The following RXRA variants were observed in gnomAD, a reference collection of about 807,000 sequenced individuals.
The protein encoded by RXRA is retinoic acid receptor RXR-alpha.
RXRA carries 5 observed loss-of-function variants against 44.5 expected under a neutral mutation model. The ratio of observed to expected loss-of-function variants is 0.11; its 90% CI spans 0.06 to 0.24. The LOEUF (loss-of-function observed/expected upper bound fraction) is 0.24, where lower values mean the gene tolerates loss of function less well. Ranked by LOEUF, RXRA falls within the 10% of genes least tolerant of loss-of-function variation. The probability of loss-of-function intolerance (pLI) is 1.00; values close to 1 mark genes in which losing one functional copy is unlikely to be tolerated. For missense variants in RXRA, 412 were observed against 646.5 expected, an observed-to-expected ratio of 0.64 and a Z score of 3.93; for synonymous variants, 291 against 271.4, an observed-to-expected ratio of 1.07 and a Z score of -0.71.
At chr9:134,421,895 C>T (rs1469074238) in intron 6 of RXRA, 90 bp downstream of exon 6, 19 of 1,547,608 alleles carry the variant, frequency 1.2e-5, no homozygotes, top group Middle Eastern at 1.7e-4. Context: ...CTCCGCACTC[C>T]CGGGACACTC....
At chr9:134,372,701 G>A (rs1244187984) in intron 1 of RXRA, among the ~76,000 whole-genome samples, 1 of 152,200 alleles carries the variant, frequency 6.6e-6, no homozygotes, top group Non-Finnish European at 1.5e-5. Context: ...CCAGGTGCTG[G>A]ACTGTGAGAC....
At chr9:134,337,795 G>A (rs1318093799) in intron 1 of RXRA, among the ~76,000 whole-genome samples, 2 of 152,162 alleles carry the variant, frequency 1.3e-5, no homozygotes, top group Admixed American at 6.5e-5. Flanking sequence ...ACAGCAGTGC[G>A]CCTCCCTCTG....
chr9:134,366,936 C>T lies in RXRA; in HGVS notation c.29-34696C>T, dbSNP rs1830421509. On this transcript the variant is annotated intron_variant, in intron 1 of 9. Coordinates refer to ENST00000481739, the MANE Select transcript of RXRA (RefSeq NM_002957.6). This position sits in a 1 kb window ranked among gnomAD's most constrained non-coding sequence, Gnocchi z 5.9. ...CTCAGGCTCCTGCTGGGAGAAGGGGCTGGTGGTTCCCGGGCCTGCACATCC... is the reference window on the plus strand; with the variant it reads ...CTCAGGCTCCTGCTGGGAGAAGGGGTTGGTGGTTCCCGGGCCTGCACATCC... Among the ~76,000 whole-genome samples, 1 of 152,124 alleles carries T rather than the reference C, an allele frequency of 6.6e-6. No individual in the cohort carries two copies. The highest frequency in any genetic ancestry group is 2.4e-5 in the African/African-American group (1 of 41,416).
intron 1 of RXRA, among the ~76,000 whole-genome samples, chr9:134,333,465 C>T (rs1009393123): frequency 9.9e-5 from 15 of 152,028 alleles, no homozygotes; most frequent in East Asian, 5.8e-4. Context: ...TGATGGGTGT[C>T]GGCGCAGACT....
At chr9:134,388,335 G>T (rs1048383152) in intron 1 of RXRA, among the ~76,000 whole-genome samples, 2 of 151,410 alleles carry the variant, frequency 1.3e-5, no homozygotes, top group Non-Finnish European at 2.9e-5. Context: ...ACGTGTTGGG[G>T]TCACTACGGG....
intron 1 of RXRA, among the ~76,000 whole-genome samples, chr9:134,387,584 C>T (rs932961935): frequency 9.2e-5 from 14 of 152,278 alleles, no homozygotes; most frequent in Non-Finnish European, 2.1e-4. Context: ...CTCTGGGAGC[C>T]ACTTGGTTTT....
chr9:134,415,768 C>T (rs977076977), intron 4 of RXRA, among the ~76,000 whole-genome samples: 18 of 152,146 alleles, frequency 1.2e-4, no homozygotes, highest in African/African-American at 4.1e-4. Context: ...TGTCTGAGCT[C>T]GGAGGAGATA....
rs1233089328 is a variant in RXRA at position 134,366,587 on chromosome 9, C to T, written c.29-35045C>T. 6.6e-6 allele frequency among the ~76,000 whole-genome samples: 1 copy of T among 152,140 alleles called. No individual in the cohort carries two copies. The highest frequency in any genetic ancestry group is 1.5e-5 in the Non-Finnish European group (1 of 68,014). ...TGGGGACAGCACCACAGGGCCCAGC[C>T]AGGGCTGGGGCAGGGAGGAAGGGCC... On this transcript the variant is annotated intron_variant, in intron 1 of 9. Coordinates refer to ENST00000481739, the MANE Select transcript of RXRA (RefSeq NM_002957.6). This position sits in a 1 kb window ranked among gnomAD's most constrained non-coding sequence, Gnocchi z 5.9.
Position 134,436,871 on chromosome 9 carries a change from G to A in RXRA, c.*257G>A, listed in dbSNP as rs1831631844. Reference sequence around the variant, plus strand: ...AGAACTAGCGTGAGCCCAGCCAGGCGCCTCCCCACCGGGCTCTCAGGACAC... The same window carrying A: ...AGAACTAGCGTGAGCCCAGCCAGGCACCTCCCCACCGGGCTCTCAGGACAC... On this transcript the variant is annotated 3_prime_UTR_variant, in exon 10 of 10. Transcript: ENST00000481739. The A allele has an allele frequency of 1.5e-5, 7 of 477,360 alleles. No homozygotes were observed. Among genetic ancestry groups the A allele is most frequent in the Middle Eastern group, 5.7e-4 (1 of 1,740 alleles). The allele number at this position is 477,360 out of a possible 1,614,324, so 29.6% of individuals were successfully genotyped here.
At chr9:134,339,925 ATG>A in intron 1 of RXRA, among the ~76,000 whole-genome samples, 1 of 150,490 alleles carries the variant, frequency 6.6e-6, no homozygotes, top group South Asian at 2.1e-4. Context: ...ACCTGTGTGT[ATG>A]TGAGTGTGCA....
At chr9:134,361,950 G>T (rs2119064054) in intron 1 of RXRA, among the ~76,000 whole-genome samples, 1 of 152,330 alleles carries the variant, frequency 6.6e-6, no homozygotes, top group African/African-American at 2.4e-5. Context: ...AGCTCCGGCT[G>T]CGCTGGGTTT....
rs143180349 is a variant in RXRA, at chr9:134,351,849, C to A, written c.28+25190C>A. Among the ~76,000 whole-genome samples, 1,231 of 152,302 alleles carry A rather than the reference C, an allele frequency of 8.1e-3. 11 individuals carry two copies. Among genetic ancestry groups the A allele is most frequent in the Non-Finnish European group, 0.013 (855 of 68,034 alleles). ...GGGGCCTCGGAGAGATTTATGGAGG[C>A]CACGCAGCAGCTGCGGCTCTGGCGG... On this transcript the variant is annotated intron_variant, in intron 1 of 9. Coordinates refer to ENST00000481739, the MANE Select transcript of RXRA (RefSeq NM_002957.6).
At chr9:134,376,017 C>T (rs997963376) in intron 1 of RXRA, among the ~76,000 whole-genome samples, 13 of 150,238 alleles carry the variant, frequency 8.7e-5, no homozygotes, top group Non-Finnish European at 1.8e-4. Context: ...CTCCCTTCTC[C>T]GCATGCGGGC....
intron 6 of RXRA, chr9:134,424,411 G>C: frequency 1.0e-6 from 1 of 985,428 alleles, no homozygotes; most frequent in Non-Finnish European, 1.2e-6. Flanking sequence ...CTCCCCCTGG[G>C]CGCCCACTGA....
At chr9:134,400,491 G>A (rs1034190174) in intron 1 of RXRA, among the ~76,000 whole-genome samples, 6 of 152,224 alleles carry the variant, frequency 3.9e-5, no homozygotes, top group African/African-American at 1.2e-4. Flanking sequence ...AGGGAGAGTG[G>A]CTTGCCCCGT....
rs1164930690 is a variant in RXRA, at chr9:134,424,703, G to GCACT, written c.910+2899_910+2902dup. ...TGTGGAACACTGGAGTTTGAAGCCT[G>GCACT]CACTGGCCAGGTGGCTGGAGAGGAC... On this transcript the variant is annotated intron_variant, in intron 6 of 9. Transcript: ENST00000481739. 9 of 985,360 alleles carry GCACT rather than the reference G, an allele frequency of 9.1e-6. No homozygotes were observed. In the African/African-American group the frequency reaches 1.2e-4, roughly 13 times the overall value. 61.0% of individuals were successfully genotyped at this position (985,360 alleles called of 1,614,324 possible). A position where few individuals can be genotyped will look rare whatever the true frequency, so the allele number is the denominator to read the frequency against.
intron 1 of RXRA, among the ~76,000 whole-genome samples, chr9:134,393,726 C>G (rs1005391454): frequency 6.6e-6 from 1 of 152,190 alleles, no homozygotes; most frequent in Non-Finnish European, 1.5e-5. Flanking sequence ...CCTCTCAGCT[C>G]TGTCTTGAAT....
Position 134,343,846 on chromosome 9 carries a change from G to T in RXRA, c.28+17187G>T, listed in dbSNP as rs577815045. The stretch of plus-strand genomic sequence containing the variant: ...AGAGTGTTTCTTCCCGGAAGGCGGG[G>T]CCAGCTGGCTGGGTCAGCAGATGGG... On this transcript the variant is annotated intron_variant, in intron 1 of 9. Transcript: ENST00000481739. This position sits in a 1 kb window ranked among gnomAD's most constrained non-coding sequence, Gnocchi z 4.1. 1.6e-4 allele frequency among the ~76,000 whole-genome samples: 25 copies of T among 152,210 alleles called. No homozygotes were observed. In the South Asian group the frequency reaches 1.7e-3, roughly 10 times the overall value.
In RXRA at chr9:134,436,930, G is replaced by C. The variant is rs1456595069; in HGVS notation, c.*316G>C. On this transcript the variant is annotated 3_prime_UTR_variant, in exon 10 of 10. Transcript: ENST00000481739. ...ACCCCACGGGGCTTGGGCGACTACA[G>C]GGTCTTCGGGCCCCAGCCCTGGAGC... is the stretch of plus-strand genomic sequence containing the variant. 3.0e-6 allele frequency: 1 copy of C among 328,230 alleles called. No individual in the cohort carries two copies. The highest frequency in any genetic ancestry group is 5.6e-6 in the Non-Finnish European group (1 of 177,304). 20.3% of individuals were successfully genotyped at this position (328,230 alleles called of 1,614,324 possible).
Sources: gnomAD v4.1 joint callset for allele counts (sites outside exome capture counted in the v4.1 genomes callset) on GRCh38, gnomAD v4.1.1 for gene constraint, Gnocchi (gnomAD v3.1) non-coding constraint, MANE v1.5 for transcripts, NCBI Gene and HGNC (gene_info 2026-07-23, HGNC 2026-07-21) for gene names.